The following MLIP variants were observed in gnomAD, a reference collection of about 807,000 sequenced individuals.
The protein encoded by MLIP is muscular LMNA-interacting protein.
A neutral mutation model predicts 84.8 loss-of-function variants in MLIP; 79 were observed. The observed-to-expected ratio is 0.93, with a 90% CI of 0.78 to 1.12. MLIP has a LOEUF of 1.12. Among genes scored for constraint, MLIP ranks in the 50% most tolerant of loss-of-function variants. MLIP has a pLI of 0.00. For missense variants in MLIP, 1,257 were observed against 1,160.6 expected (o/e 1.08, Z -1.21); for synonymous variants, 504 against 463.0 (o/e 1.09, Z -1.14).
intron 12 of MLIP, among the ~76,000 whole-genome samples, chr6:54,236,606 GA>G (rs56168306): frequency 1 from 150,746 of 151,266 alleles, 75,113 homozygotes; most frequent in Middle Eastern, 1. Flanking sequence ...CAGTCTAAAA[GA>G]AAAAAAAAAA....
At chr6:54,046,142 T>C (rs1765035458) in intron 1 of MLIP, 1 of 152,174 alleles carries the variant, frequency 6.6e-6, no homozygotes, top group Non-Finnish European at 1.5e-5. Context: ...TTCCAGTGTC[T>C]TCAGAAACAT....
chr6:54,199,104 G>A (rs1395242219), intron 10 of MLIP, among the ~76,000 whole-genome samples: 1 of 152,082 alleles, frequency 6.6e-6, no homozygotes, highest in Non-Finnish European at 1.5e-5. Context: ...ATAAAACAGA[G>A]AAACAATAAA....
chr6:54,023,102 G>A (rs540871660), intron 1 of MLIP, among the ~76,000 whole-genome samples: 51 of 151,980 alleles, frequency 3.4e-4, no homozygotes, highest in African/African-American at 1.2e-3. Context: ...GGGAGGCAGA[G>A]CTTGCAGTGA....
chr6:54,080,702 ATAAG>A (rs1194259018), intron 1 of MLIP, among the ~76,000 whole-genome samples: 2 of 148,324 alleles, frequency 1.3e-5, no homozygotes, highest in Non-Finnish European at 3.0e-5. Context: ...TAAATTTAAT[ATAAG>A]TAATTTATAT....
chr6:54,018,987 C>T (rs1763350260), exon 1 of MLIP: 1 of 1,529,804 alleles, frequency 6.5e-7, no homozygotes, highest in East Asian at 2.2e-5. Flanking sequence ...ATCTGAACCT[C>T]TGTGTCTCTC....
intron 8 of MLIP, among the ~76,000 whole-genome samples, chr6:54,163,234 A>G (rs1002888766): frequency 2.0e-5 from 3 of 151,908 alleles, no homozygotes; most frequent in African/African-American, 7.2e-5. Flanking sequence ...TCCTAGATGT[A>G]TCTTTTACTG....
At chr6:54,048,979 A>G (rs1012224286) in intron 1 of MLIP, among the ~76,000 whole-genome samples, 2 of 152,196 alleles carry the variant, frequency 1.3e-5, no homozygotes, top group Non-Finnish European at 2.9e-5. Flanking sequence ...ACTTGAGATA[A>G]AAATGCTGAT....
intron 13 of MLIP, 43 bp from the exon 14 acceptor site, chr6:54,265,907 T>C (rs2150911851): frequency 6.3e-7 from 1 of 1,583,910 alleles, no homozygotes; most frequent in Non-Finnish European, 8.6e-7. Flanking sequence ...TATTTTTAAA[T>C]TTATTCATCT....
chr6:54,201,808 A>G (rs1455337087), intron 10 of MLIP, among the ~76,000 whole-genome samples: 1 of 152,196 alleles, frequency 6.6e-6, no homozygotes, highest in Non-Finnish European at 1.5e-5. Flanking sequence ...AATACTTAGC[A>G]AATGAAATAT....
chr6:54,249,658 T>A (rs1207073738), intron 12 of MLIP, among the ~76,000 whole-genome samples: 2 of 151,668 alleles, frequency 1.3e-5, no homozygotes, highest in Non-Finnish European at 2.9e-5. Flanking sequence ...TGATGAGACC[T>A]ATTCTCAAGC....
chr6:54,019,671 T>C (rs868466048), intron 1 of MLIP, among the ~76,000 whole-genome samples: 17 of 152,340 alleles, frequency 1.1e-4, no homozygotes, highest in Non-Finnish European at 1.9e-4. Context: ...GTGCTGTCCA[T>C]GGCTCATCTG....
intron 12 of MLIP, among the ~76,000 whole-genome samples, chr6:54,241,402 C>A (rs1316984489): frequency 6.6e-6 from 1 of 151,536 alleles, no homozygotes; most frequent in Non-Finnish European, 1.5e-5. Context: ...TTGGGTTTAG[C>A]TGTTAATCAA....
chr6:54,246,690 G>C (rs1008194649), intron 12 of MLIP, among the ~76,000 whole-genome samples: 1 of 151,990 alleles, frequency 6.6e-6, no homozygotes, highest in African/African-American at 2.4e-5. Context: ...TATTGGAAAG[G>C]TGTAGTTTTA....
chr6:54,145,993 A>G (rs77976609), intron 4 of MLIP, among the ~76,000 whole-genome samples: 1,662 of 152,166 alleles, frequency 0.011, 33 homozygotes, highest in African/African-American at 0.035. Flanking sequence ...ATAATCTAAA[A>G]TTTCTTGTCT....
At chr6:54,108,743 AG>A (rs1769202464), upstream of MLIP, among the ~76,000 whole-genome samples, 1 of 152,224 alleles carries the variant, frequency 6.6e-6, no homozygotes, top group African/African-American at 2.4e-5. Context: ...AGCAGGGAAG[AG>A]TAGGGGCTGA....
At position 54,160,584 on chromosome 6, in the gene MLIP, G is replaced by A. The variant is rs759152223; in HGVS notation, c.2424G>A (p.Gln808=). Residue 808 remains glutamine (Q), a synonymous_variant, in exon 7 of 14, where the codon CAG becomes CAA. Transcript: ENST00000502396. ...GTGCTACCATTGATAAGGTCTTACAGGATTCCTTGTCTATGGTAATGCTTT... is the reference window on the plus strand; with the variant it reads ...GTGCTACCATTGATAAGGTCTTACAAGATTCCTTGTCTATGGTAATGCTTT... ...ELCATIDKVL[Q]DSLSMHSSDS... is the part of the protein sequence containing the mutation. 2.5e-5 allele frequency: 41 copies of A among 1,610,802 alleles called. No individual in the cohort carries two copies. Among genetic ancestry groups the A allele is most frequent in the Admixed American group, 3.3e-5 (2 of 59,758 alleles).
intron 10 of MLIP, among the ~76,000 whole-genome samples, chr6:54,195,430 G>A (rs939039711): frequency 6.6e-6 from 1 of 151,972 alleles, no homozygotes; most frequent in South Asian, 2.1e-4. Context: ...GTTAGTTGAA[G>A]TTACTAGTTT....
At position 54,088,404 on chromosome 6, in the gene MLIP, G is replaced by A. The variant is rs552397003; in HGVS notation, c.64-33043G>A. On this transcript the variant is annotated intron_variant, in intron 1 of 12. Transcript: ENST00000274897. Reference sequence around the variant, plus strand: ...CTGTAGTAGGTGAGACAATCTTGATGCCAGAGTTAAACGAGGTCAAAGAGT... The same window carrying A: ...CTGTAGTAGGTGAGACAATCTTGATACCAGAGTTAAACGAGGTCAAAGAGT... Among the ~76,000 whole-genome samples, 8 of 150,636 alleles carry A rather than the reference G, an allele frequency of 5.3e-5. No homozygotes were observed. In the South Asian group the frequency reaches 1.2e-3, roughly 23 times the overall value.
Position 54,038,132 on chromosome 6 carries a change from G to A in MLIP, c.63+19041G>A, listed in dbSNP as rs548717695. ...AGATCCTGAGTAAGGGGACATACTA[G>A]ACTATTCAGTATGCCCTCTGATAAC... is the stretch of plus-strand genomic sequence containing the variant. On this transcript the variant is annotated intron_variant, in intron 1 of 12. Transcript: ENST00000274897. 2.6e-5 allele frequency among the ~76,000 whole-genome samples: 4 copies of A among 151,968 alleles called. No homozygotes were observed. In the South Asian group the frequency reaches 6.2e-4, roughly 24 times the overall value.
Sources: allele counts gnomAD v4.1 joint callset (sites outside exome capture counted in the v4.1 genomes callset), GRCh38; gene constraint gnomAD v4.1.1; transcripts MANE v1.5; gene names NCBI Gene and HGNC (gene_info 2026-07-23, HGNC 2026-07-21).